The following SCN7A variants were observed in gnomAD, a reference collection of about 807,000 sequenced individuals.
SCN7A encodes sodium channel protein type 7 subunit alpha.
Under a neutral mutation model 155.2 loss-of-function variants are expected in SCN7A, and 138 were observed. The observed-to-expected ratio is 0.89, with a 90% CI of 0.77 to 1.02. The LOEUF (loss-of-function observed/expected upper bound fraction) is 1.02, where lower values mean the gene tolerates loss of function less well. SCN7A is among the 50% of genes least tolerant of loss of function. SCN7A has a pLI of 0.00. For synonymous variants in SCN7A, 693 were observed against 649.0 expected (o/e 1.07, Z -1.03); for missense variants, 2,058 against 1,986.6 (o/e 1.04, Z -0.68).
At chr2:166,485,461 T>C (rs1703026048) in intron 2 of SCN7A, among the ~76,000 whole-genome samples, 1 of 152,148 alleles carries the variant, frequency 6.6e-6, no homozygotes. Flanking sequence ...CTGTCACATC[T>C]GATTGCAAAT....
rs147414971 is a variant in SCN7A, at chr2:166,459,029, G to T, written c.1084-1953C>A. ...CAATGCCATTTTACATAAGGGACTT[G>T]AGAATTCATGGATTTTAGTATCCAC... On this transcript the variant is annotated intron_variant, in intron 10 of 25. Transcript: ENST00000643258. Among the ~76,000 whole-genome samples, 1,169 of 152,268 alleles carry T rather than the reference G, an allele frequency of 7.7e-3. 20 individuals carry two copies. Among genetic ancestry groups the T allele is most frequent in the African/African-American group, 0.026 (1,093 of 41,544 alleles).
At chr2:166,447,363 A>G (rs957466744) in intron 12 of SCN7A, among the ~76,000 whole-genome samples, 2 of 152,180 alleles carry the variant, frequency 1.3e-5, no homozygotes, top group Admixed American at 1.3e-4. Context: ...TTTAGTCACA[A>G]GTTAATATGT....
chr2:166,456,936 A>G lies in SCN7A; in HGVS notation c.1224T>C (p.Ser408=). Reference sequence around the variant, plus strand: ...GTTGAAATTTTGGTTCAATCTTCTTAGATATTTCACCAACTCTCTGCTTTT... The same window carrying G: ...GTTGAAATTTTGGTTCAATCTTCTTGGATATTTCACCAACTCTCTGCTTTT... ...EEEKQRVGEI[S]KKIEPKFQQT... is the part of the protein sequence containing the mutation. Residue 408 remains serine (S), a synonymous_variant, in exon 11 of 26, where the codon TCT becomes TCC. Transcript: ENST00000643258. 2 of 1,575,662 alleles carry G rather than the reference A, an allele frequency of 1.3e-6. No homozygotes were observed. The highest frequency in any genetic ancestry group is 2.3e-5 in the South Asian group (2 of 86,080).
Position 166,409,813 on chromosome 2 carries a change from T to C in SCN7A, c.3834A>G (p.Gln1278=). 6.4e-7 allele frequency: 1 copy of C among 1,573,266 alleles called. No homozygotes were observed. Among genetic ancestry groups the C allele is most frequent in the Non-Finnish European group, 8.6e-7 (1 of 1,156,948 alleles). ...MMIDTDVQSL[Q]MSIALYWINS... ...TAATCCAGTAGAGAGCAATGGACAT[T>C]TGTAGACTCTGAACATCAGTGTCTA... The change falls in exon 25 of 26, where the codon CAA becomes CAG. Residue 1278 remains glutamine (Q), a synonymous_variant. Transcript: ENST00000643258.
intron 15 of SCN7A, 95 bp from the exon 16 acceptor site, chr2:166,432,847 T>C: frequency 1.2e-6 from 1 of 817,682 alleles, no homozygotes; most frequent in African/African-American, 1.7e-5. Context: ...GAACATTTAA[T>C]ATCTACTCTG....
chr2:166,451,031 C>CTTGAATATATCCTTAA (rs1408213003), intron 11 of SCN7A, among the ~76,000 whole-genome samples: 4 of 152,008 alleles, frequency 2.6e-5, no homozygotes, highest in African/African-American at 9.7e-5. Context: ...GAATAATATC[C>CTTGAATATATCCTTAA]TTGAATATAT....
chr2:166,471,977 T>C (rs1204512498), intron 6 of SCN7A, among the ~76,000 whole-genome samples: 1 of 151,972 alleles, frequency 6.6e-6, no homozygotes, highest in African/African-American at 2.4e-5. Context: ...TTTTTTATTA[T>C]TATACTTTAA....
intron 2 of SCN7A, among the ~76,000 whole-genome samples, chr2:166,485,452 T>C (rs1703025734): frequency 6.6e-6 from 1 of 152,152 alleles, no homozygotes; most frequent in South Asian, 2.1e-4. Flanking sequence ...CAAATCACTC[T>C]GTCACATCTG....
intron 2 of SCN7A, among the ~76,000 whole-genome samples, chr2:166,479,519 A>C (rs2105518557): frequency 6.6e-6 from 1 of 152,244 alleles, no homozygotes; most frequent in Middle Eastern, 3.4e-3. Flanking sequence ...TGTGGAATCA[A>C]GTTTTCTGGG....
intron 1 of SCN7A, among the ~76,000 whole-genome samples, chr2:166,489,576 T>G (rs1473326239): frequency 1.3e-5 from 2 of 152,248 alleles, no homozygotes; most frequent in Non-Finnish European, 2.9e-5. Flanking sequence ...CCTCTTGACT[T>G]CAACCCACTT....
At chr2:166,412,041 C>T (rs1701213880) in intron 23 of SCN7A, among the ~76,000 whole-genome samples, 1 of 151,992 alleles carries the variant, frequency 6.6e-6, no homozygotes, top group South Asian at 2.1e-4. Flanking sequence ...TCTCTGAACT[C>T]TGTCTTACTG....
Position 166,465,524 on chromosome 2 carries a change from T to C in SCN7A, c.879A>G (p.Glu293=), listed in dbSNP as rs1223027005. Residue 293 remains glutamate (E), a synonymous_variant, in exon 9 of 26, where the codon GAA becomes GAG. Coordinates refer to ENST00000643258, the MANE Select transcript of SCN7A (RefSeq NM_002976.4). ...TGNPYYIRET[E]NFYYLEGERY... is the part of the protein sequence containing the mutation. ...TTTCTCCTTCCAAATAATAAAAGTT[T>C]TCTGTTTCTGAAAAACAGGCAAGAA... 1 of 1,596,194 alleles carries C rather than the reference T, an allele frequency of 6.3e-7. No homozygotes were observed. Among genetic ancestry groups the C allele is most frequent in the Non-Finnish European group, 8.5e-7 (1 of 1,169,806 alleles).
rs561254774 is a variant in SCN7A at position 166,447,518 on chromosome 2, A to G, written c.1387+94T>C. On this transcript the variant is annotated intron_variant, in intron 12 of 25. Coordinates refer to ENST00000643258, the MANE Select transcript of SCN7A (RefSeq NM_002976.4). ...TATTTCTTAAATTTTTGTTATTACC[A>G]TCTAAGATTCTGAAGAAATTGCTGA... 2.0e-5 allele frequency: 15 copies of G among 758,986 alleles called. No homozygotes were observed. In the South Asian group the frequency reaches 2.7e-4, roughly 14 times the overall value. The allele number at this position is 758,986 out of a possible 1,614,324, so 47.0% of individuals were successfully genotyped here. A position where few individuals can be genotyped will look rare whatever the true frequency, so the allele number is the denominator to read the frequency against.
intron 23 of SCN7A, 86 bp downstream of exon 23, chr2:166,412,444 C>T: frequency 8.0e-7 from 1 of 1,250,538 alleles, no homozygotes; most frequent in Admixed American, 4.3e-5. Flanking sequence ...AATCCAAAGC[C>T]AATTATTTGA....
At chr2:166,449,790 AAAAAACAAAAAC>A (rs898170607) in intron 11 of SCN7A, among the ~76,000 whole-genome samples, 17 of 152,222 alleles carry the variant, frequency 1.1e-4, no homozygotes, top group Admixed American at 9.2e-4. Context: ...AAAAGACCAA[AAAAAACAAAAAC>A]AAAAACAAAA....
At chr2:166,431,813 CT>C (rs1301864949) in intron 16 of SCN7A, among the ~76,000 whole-genome samples, 1 of 151,974 alleles carries the variant, frequency 6.6e-6, no homozygotes, top group Non-Finnish European at 1.5e-5. Flanking sequence ...CAGAAATGAT[CT>C]GATTCAAATC....
chr2:166,490,086 CTT>C (rs1379165142), intron 1 of SCN7A, among the ~76,000 whole-genome samples: 1 of 152,014 alleles, frequency 6.6e-6, no homozygotes, highest in Non-Finnish European at 1.5e-5. Context: ...ATCTCACAGA[CTT>C]ATTTCTTTGT....
chr2:166,481,362 T>C (rs11888329), intron 2 of SCN7A, among the ~76,000 whole-genome samples: 20,637 of 152,124 alleles, frequency 0.14, 1,436 homozygotes, highest in East Asian at 0.22. Context: ...AAAATAAATA[T>C]AAATTTTTAA....
chr2:166,489,295 C>T (rs776798692), intron 1 of SCN7A, among the ~76,000 whole-genome samples: 9 of 152,102 alleles, frequency 5.9e-5, no homozygotes, highest in Non-Finnish European at 5.9e-5. Context: ...AAGTTGTATA[C>T]GTTAGCATGT....
Sources: allele counts gnomAD v4.1 joint callset (sites outside exome capture counted in the v4.1 genomes callset), GRCh38; gene constraint gnomAD v4.1.1; transcripts MANE v1.5; gene names NCBI Gene and HGNC (gene_info 2026-07-23, HGNC 2026-07-21).